WDR7: variants seen among roughly 807,000 people sequenced by gnomAD.
The protein encoded by WDR7 is WD repeat domain 7.
Under a neutral mutation model 169.4 loss-of-function variants are expected in WDR7, and 46 were observed. The ratio of observed to expected loss-of-function variants is 0.27; its 90% CI spans 0.21 to 0.35. The LOEUF (loss-of-function observed/expected upper bound fraction) is 0.35. WDR7 is among the 10% of genes least tolerant of loss of function. WDR7 has a pLI of 1.00. For synonymous variants in WDR7, 612 were observed against 666.8 expected (o/e 0.92, Z 1.27); for missense variants, 1,534 against 1,859.3 (o/e 0.83, Z 3.22).
intron 12 of WDR7, among the ~76,000 whole-genome samples, chr18:56,713,113 G>A (rs937214728): frequency 1.3e-5 from 2 of 152,122 alleles, no homozygotes; most frequent in Non-Finnish European, 1.5e-5. Context: ...ATATGGATGG[G>A]AGATATTTCT....
intron 1 of WDR7, among the ~76,000 whole-genome samples, chr18:56,671,573 G>A (rs1478967991): frequency 6.6e-6 from 1 of 152,140 alleles, no homozygotes; most frequent in African/African-American, 2.4e-5. Context: ...GCCCGGCCCT[G>A]AACAGAGTTT....
At chr18:57,007,833 C>A (rs2048086231) in intron 26 of WDR7, among the ~76,000 whole-genome samples, 1 of 152,046 alleles carries the variant, frequency 6.6e-6, no homozygotes, top group African/African-American at 2.4e-5. Flanking sequence ...TTGGTCTTTT[C>A]ACTCTATCTA....
At position 57,019,238 on chromosome 18, in the gene WDR7, AATATT is replaced by A. The variant is rs142081101; in HGVS notation, c.4165-1505_4165-1501del. On this transcript the variant is annotated intron_variant, in intron 26 of 27. Coordinates refer to ENST00000254442, the MANE Select transcript of WDR7 (RefSeq NM_015285.3). ...ACTCTAAGCAAGCAGGAGTAACAAA[AATATT>A]AAAAGTATTGAATTGTTATATGCCA... Among the ~76,000 whole-genome samples the A allele has an allele frequency of 2.5e-3, 376 of 152,300 alleles. 1 individual carries two copies. Among genetic ancestry groups the A allele is most frequent in the African/African-American group, 8.6e-3 (357 of 41,550 alleles).
intron 14 of WDR7, among the ~76,000 whole-genome samples, chr18:56,742,817 A>G (rs1057372984): frequency 1.3e-5 from 2 of 152,142 alleles, no homozygotes; most frequent in African/African-American, 4.8e-5. Flanking sequence ...AGGTGGCCCA[A>G]GCAAAGTGGG....
intron 26 of WDR7, among the ~76,000 whole-genome samples, chr18:57,009,183 TATATC>T (rs1481045829): frequency 2.6e-5 from 4 of 152,224 alleles, no homozygotes; most frequent in Admixed American, 2.6e-4. Context: ...TGTTGGATGT[TATATC>T]AAAAGTAGAA....
chr18:57,036,502 CTG>C, the WDR7 span: 2 of 152,442 alleles, frequency 1.3e-5, no homozygotes, highest in African/African-American at 2.4e-5. Context: ...TCAGAGAACT[CTG>C]TTGCAACCAC....
chr18:56,938,569 TCACAGCAGAATATGCA>T lies in WDR7; in HGVS notation c.3873_3888del (p.Asn1293LeufsTer10). 6.2e-7 allele frequency: 1 copy of T among 1,613,836 alleles called. No individual in the cohort carries two copies. The highest frequency in any genetic ancestry group is 1.3e-5 in the African/African-American group (1 of 74,980). On this transcript the variant is annotated frameshift_variant, in exon 24 of 28. Coordinates refer to ENST00000254442, the MANE Select transcript of WDR7 (RefSeq NM_015285.3). LOFTEE classifies it high-confidence loss of function. ...TACGGCTCTTGCAGCAAATACCCAA[TCACAGCAGAATATGCA>T]CACAACAACTCTTGCACGAGCTAAA...
Position 56,696,301 on chromosome 18 carries a change from C to A in WDR7, c.1417C>A (p.Pro473Thr). Residue 473 changes from proline to threonine, a missense_variant, in exon 12 of 28, where the codon CCT becomes ACT. Coordinates refer to ENST00000254442, the MANE Select transcript of WDR7 (RefSeq NM_015285.3). ...GAACAAAGTCACATGTTTGCTATAT[C>A]CTCATCAGGTCTCAGCTCGGTATGA... Reference protein sequence around the residue: ...HRNKVTCLLYPHQVSARYDQR... With the variant: ...HRNKVTCLLYTHQVSARYDQR... The A allele has an allele frequency of 6.2e-7, 1 of 1,614,162 alleles. No individual in the cohort carries two copies. Among genetic ancestry groups the A allele is most frequent in the Non-Finnish European group, 8.5e-7 (1 of 1,180,016 alleles).
intron 2 of WDR7, among the ~76,000 whole-genome samples, chr18:56,675,334 T>A (rs2025221016): frequency 6.6e-6 from 1 of 152,176 alleles, no homozygotes; most frequent in South Asian, 2.1e-4. Context: ...TCAAATTTTC[T>A]GACCCATGAA....
At chr18:56,693,843 A>G (rs1241035169) in intron 9 of WDR7, among the ~76,000 whole-genome samples, 2 of 151,930 alleles carry the variant, frequency 1.3e-5, no homozygotes, top group Non-Finnish European at 2.9e-5. Context: ...AAGTGCTGGC[A>G]TTACAGGCAT....
intron 26 of WDR7, among the ~76,000 whole-genome samples, chr18:57,008,490 G>T (rs1467268910): frequency 6.6e-6 from 1 of 151,998 alleles, no homozygotes; most frequent in East Asian, 1.9e-4. Context: ...ACCTCTCCTC[G>T]CCCCCTGGTG....
At chr18:56,937,062 G>C (rs1197184786) in intron 23 of WDR7, among the ~76,000 whole-genome samples, 4 of 152,126 alleles carry the variant, frequency 2.6e-5, no homozygotes, top group Non-Finnish European at 4.4e-5. Context: ...CCTCACATTA[G>C]TCTGACAGGT....
intron 20 of WDR7, among the ~76,000 whole-genome samples, chr18:56,824,741 A>T (rs371397907): frequency 2.4e-4 from 37 of 152,336 alleles, no homozygotes; most frequent in East Asian, 1.9e-3. Flanking sequence ...CTAAGAACAT[A>T]ATTAGCTCTA....
chr18:57,006,334 AG>A (rs1209033911), intron 26 of WDR7, among the ~76,000 whole-genome samples: 1 of 151,894 alleles, frequency 6.6e-6, no homozygotes, highest in Non-Finnish European at 1.5e-5. Context: ...TTTTTCTTCA[AG>A]ATTGTAGTTA....
At chr18:56,756,367 G>A (rs932280740) in intron 14 of WDR7, among the ~76,000 whole-genome samples, 1 of 152,070 alleles carries the variant, frequency 6.6e-6, no homozygotes, top group African/African-American at 2.4e-5. Flanking sequence ...TGGCAATTTT[G>A]TGATTGTTTC....
intron 16 of WDR7, among the ~76,000 whole-genome samples, chr18:56,763,996 A>C (rs1274979346): frequency 6.6e-6 from 1 of 151,974 alleles, no homozygotes; most frequent in African/African-American, 2.4e-5. Flanking sequence ...GATCTTTTCA[A>C]AGAACTAGCC....
intron 21 of WDR7, among the ~76,000 whole-genome samples, chr18:56,882,761 C>T (rs993053918): frequency 6.6e-6 from 1 of 152,144 alleles, no homozygotes; most frequent in African/African-American, 2.4e-5. Context: ...TAATATACTC[C>T]TGTTTGAAGA....
At chr18:57,017,183 A>G (rs146447772) in intron 26 of WDR7, among the ~76,000 whole-genome samples, 4 of 152,336 alleles carry the variant, frequency 2.6e-5, no homozygotes, top group East Asian at 1.9e-4. Flanking sequence ...ACAAAAGACA[A>G]TGGCAACATT....
At chr18:57,010,914 TAG>T (rs1247277084) in intron 26 of WDR7, among the ~76,000 whole-genome samples, 1 of 152,200 alleles carries the variant, frequency 6.6e-6, no homozygotes, top group East Asian at 1.9e-4. Context: ...ACCTATTTTT[TAG>T]AGTTTGCTGT....
Sources: allele counts gnomAD v4.1 joint callset (sites outside exome capture counted in the v4.1 genomes callset), GRCh38; gene constraint gnomAD v4.1.1; transcripts MANE v1.5; gene names NCBI Gene and HGNC (gene_info 2026-07-23, HGNC 2026-07-21).